The following ADCY1 variants were observed in gnomAD, a reference collection of about 807,000 sequenced individuals.
ADCY1 encodes the protein adenylate cyclase 1, also known as adenylate cyclase type 1.
ADCY1 carries 28 observed loss-of-function variants against 105.4 expected under a neutral mutation model. The observed-to-expected ratio is 0.27, with a 90% CI of 0.20 to 0.36. The LOEUF (loss-of-function observed/expected upper bound fraction) is 0.36. ADCY1 is among the 10% of genes least tolerant of loss of function. The probability of loss-of-function intolerance (pLI) is 1.00; values close to 1 mark genes in which losing one functional copy is unlikely to be tolerated. For synonymous variants in ADCY1, 655 were observed against 623.8 expected, an observed-to-expected ratio of 1.05 and a Z score of -0.75; for missense variants, 977 against 1,434.2, an observed-to-expected ratio of 0.68 and a Z score of 5.15.
chr7:45,684,739 G>A, intron 11 of ADCY1: 1 of 374,120 alleles, frequency 2.7e-6, no homozygotes, highest in African/African-American at 2.0e-5. Context: ...TGGAAGGAAG[G>A]GAAGTATTAT....
At position 45,586,476 on chromosome 7, in the gene ADCY1, TG is replaced by T. The variant is rs1372373103; in HGVS notation, c.640-6282del. On this transcript the variant is annotated intron_variant, in intron 1 of 19. Transcript: ENST00000297323. ...CACAAAAGTAGAGAGACCAGCACAG[TG>T]ATTTCTTGAGTACCCATCACTGGCT... Among the ~76,000 whole-genome samples the T allele has an allele frequency of 5.9e-5, 9 of 152,352 alleles. No homozygotes were observed. In the South Asian group the frequency reaches 1.0e-3, roughly 18 times the overall value.
chr7:45,625,406 A>G (rs547349249), intron 4 of ADCY1, among the ~76,000 whole-genome samples: 1 of 152,318 alleles, frequency 6.6e-6, no homozygotes, highest in African/African-American at 2.4e-5. Flanking sequence ...TGATGGGTCA[A>G]GTGGAGTGAG....
chr7:45,666,621 A>C (rs1358033117), intron 8 of ADCY1, among the ~76,000 whole-genome samples: 1 of 152,248 alleles, frequency 6.6e-6, no homozygotes, highest in African/African-American at 2.4e-5. Flanking sequence ...AGCATGATTT[A>C]TACCCCTTTG....
chr7:45,634,108 T>TG (rs1794334497), intron 4 of ADCY1, among the ~76,000 whole-genome samples: 1 of 152,214 alleles, frequency 6.6e-6, no homozygotes, highest in Admixed American at 6.5e-5. Context: ...GAAACTCCGC[T>TG]GAGCTCACTC....
intron 5 of ADCY1, 117 bp from the exon 6 acceptor site, chr7:45,657,610 G>T: frequency 8.9e-7 from 1 of 1,120,782 alleles, no homozygotes; most frequent in Non-Finnish European, 1.3e-6. Flanking sequence ...CAGGCCACAT[G>T]CAGCAAGGAC....
chr7:45,659,193 C>T (rs1795023384), intron 6 of ADCY1, among the ~76,000 whole-genome samples: 1 of 152,228 alleles, frequency 6.6e-6, no homozygotes, highest in Non-Finnish European at 1.5e-5. Context: ...TGTCCTCACC[C>T]TCTCAGGATC....
At chr7:45,626,443 C>A (rs930323407) in intron 4 of ADCY1, among the ~76,000 whole-genome samples, 1 of 152,158 alleles carries the variant, frequency 6.6e-6, no homozygotes, top group Non-Finnish European at 1.5e-5. Context: ...TGCTGGCCGC[C>A]TTTGTTCTTG....
In ADCY1 at chr7:45,591,608, C is replaced by G. The variant is rs1396232367; in HGVS notation, c.640-1151C>G. 6.6e-6 allele frequency among the ~76,000 whole-genome samples: 1 copy of G among 152,216 alleles called. No homozygotes were observed. Among genetic ancestry groups the G allele is most frequent in the Non-Finnish European group, 1.5e-5 (1 of 68,042 alleles). On this transcript the variant is annotated intron_variant, in intron 1 of 19. Coordinates refer to ENST00000297323, the MANE Select transcript of ADCY1 (RefSeq NM_021116.4). The surrounding 1 kb of genome is among the most constrained non-coding windows in gnomAD (Gnocchi z 4.1). The stretch of plus-strand genomic sequence containing the variant: ...GAAATTCTCCAATTTTGCGAGTGAC[C>G]AAGGGACACCCGTTTCATACAATAC...
At chr7:45,609,675 C>T (rs888091566) in intron 2 of ADCY1, among the ~76,000 whole-genome samples, 1 of 152,072 alleles carries the variant, frequency 6.6e-6, no homozygotes, top group African/African-American at 2.4e-5. Flanking sequence ...AGGGGTGTGC[C>T]CAACAGGTCA....
At chr7:45,712,368 C>G (rs1290222924) in intron 19 of ADCY1, among the ~76,000 whole-genome samples, 2 of 151,342 alleles carry the variant, frequency 1.3e-5, no homozygotes, top group African/African-American at 4.9e-5. Context: ...ATCCTGCCCA[C>G]CCCAGCCTGG....
chr7:45,580,126 G>A (rs1792485849), intron 1 of ADCY1, among the ~76,000 whole-genome samples: 1 of 152,168 alleles, frequency 6.6e-6, no homozygotes, highest in African/African-American at 2.4e-5. Flanking sequence ...AGCAGGAAAT[G>A]AGTCTAGACA....
At chr7:45,701,971 A>G (rs1785006301) in intron 14 of ADCY1, among the ~76,000 whole-genome samples, 2 of 152,226 alleles carry the variant, frequency 1.3e-5, no homozygotes, top group South Asian at 4.2e-4. Context: ...GTCTATCTCC[A>G]TGGATCGCAC....
chr7:45,623,909 G>T lies in ADCY1; in HGVS notation c.1020+1166G>T, dbSNP rs188565263. On this transcript the variant is annotated intron_variant, in intron 4 of 19. Transcript: ENST00000297323. The stretch of plus-strand genomic sequence containing the variant: ...TGGACCCCAGACACCTAGCATCCCT[G>T]CCCTGTGAGGGTGTGGGAGGAGTAC... Among the ~76,000 whole-genome samples, 6 of 152,168 alleles carry T rather than the reference G, an allele frequency of 3.9e-5. No individual in the cohort carries two copies. In the East Asian group the frequency reaches 1.2e-3, roughly 29 times the overall value.
chr7:45,706,874 C>A (rs564711352), intron 17 of ADCY1, among the ~76,000 whole-genome samples: 75 of 152,062 alleles, frequency 4.9e-4, no homozygotes, highest in South Asian at 1.5e-3. Context: ...GAAAAAAAAA[C>A]CCCAGTTAAA....
At chr7:45,604,586 C>T (rs1380607020) in intron 2 of ADCY1, among the ~76,000 whole-genome samples, 2 of 152,174 alleles carry the variant, frequency 1.3e-5, no homozygotes, top group African/African-American at 4.8e-5. Context: ...GACTACCCTT[C>T]CTCCATTGAA....
At chr7:45,574,260 G>A (rs1246104729), upstream of ADCY1, 4 of 532,070 alleles carry the variant, frequency 7.5e-6, no homozygotes, top group Non-Finnish European at 9.6e-6. This position sits in a 1 kb window ranked among gnomAD's most constrained non-coding sequence, Gnocchi z 7.0. Flanking sequence ...GGCTGTGCGC[G>A]CCCAGGTTCG....
At chr7:45,641,175 C>CCTTT (rs1794516391) in intron 4 of ADCY1, among the ~76,000 whole-genome samples, 1 of 152,200 alleles carries the variant, frequency 6.6e-6, no homozygotes, top group Non-Finnish European at 1.5e-5. Flanking sequence ...CCCCTCCCAG[C>CCTTT]CTTTGCTCTC....
At chr7:45,600,218 C>A (rs1200109034) in intron 2 of ADCY1, among the ~76,000 whole-genome samples, 3 of 152,262 alleles carry the variant, frequency 2.0e-5, no homozygotes, top group Admixed American at 2.0e-4. Flanking sequence ...CCAGCATCTG[C>A]AGCCTGGCTC....
intron 8 of ADCY1, among the ~76,000 whole-genome samples, chr7:45,672,838 A>G (rs993939503): frequency 3.3e-5 from 5 of 152,062 alleles, no homozygotes; most frequent in Non-Finnish European, 7.4e-5. Flanking sequence ...GGTTTTTAGC[A>G]CTATGCTGCA....
Sources: allele counts gnomAD v4.1 joint callset (sites outside exome capture counted in the v4.1 genomes callset), GRCh38; gene constraint gnomAD v4.1.1; non-coding constraint Gnocchi (gnomAD v3.1); transcripts MANE v1.5; gene names NCBI Gene and HGNC (gene_info 2026-07-23, HGNC 2026-07-21).